The following ZYG11A variants were observed in gnomAD, a reference collection of about 807,000 sequenced individuals.
The protein encoded by ZYG11A is zyg-11 family member A, cell cycle regulator.
In ZYG11A, 62 loss-of-function variants were observed where a neutral mutation model predicts 77.2. The ratio of observed to expected loss-of-function variants is 0.80; its 90% CI spans 0.65 to 0.99. The LOEUF (loss-of-function observed/expected upper bound fraction) is 0.99, where lower values mean the gene tolerates loss of function less well. ZYG11A is among the 50% of genes least tolerant of loss of function. The pLI is 0.00. For missense variants in ZYG11A, 828 were observed against 896.8 expected (o/e 0.92, Z 0.98); for synonymous variants, 315 against 324.6 (o/e 0.97, Z 0.32).
chr1:52,881,343 C>T (rs955672012), intron 10 of ZYG11A, 128 bp from the exon 11 acceptor site: 76 of 615,066 alleles, frequency 1.2e-4, no homozygotes, highest in East Asian at 9.1e-4. Context: ...TAGCTTGAGG[C>T]GGAGGCGGGT....
intron 13 of ZYG11A, among the ~76,000 whole-genome samples, chr1:52,891,149 C>T (rs533049814): frequency 6.6e-6 from 1 of 152,066 alleles, no homozygotes; most frequent in East Asian, 1.9e-4. Flanking sequence ...ATCCACCCAC[C>T]TCAGCCTTCC....
At chr1:52,866,137 C>CCACGT (rs1448457504) in intron 5 of ZYG11A, among the ~76,000 whole-genome samples, 3 of 152,040 alleles carry the variant, frequency 2.0e-5, no homozygotes, top group Non-Finnish European at 2.9e-5. Context: ...CGGGGTTTCA[C>CCACGT]TGTGCTAGCC....
In ZYG11A at chr1:52,892,993, A is replaced by T. The variant is rs753716842; in HGVS notation, c.*36A>T. The T allele has an allele frequency of 9.1e-6, 14 of 1,532,258 alleles. No individual in the cohort carries two copies. The highest frequency in any genetic ancestry group is 1.2e-5 in the Non-Finnish European group (14 of 1,133,262). The allele number at this position is 1,532,258 out of a possible 1,614,324, so 94.9% of individuals were successfully genotyped here. On this transcript the variant is annotated 3_prime_UTR_variant, in exon 14 of 14. Coordinates refer to ENST00000371528, the MANE Select transcript of ZYG11A (RefSeq NM_001004339.3). ...TTTCAGAGGTGTGTGCTCTTCCTCA[A>T]TGTCAGGTGTTCTGCCCTGGCAGTA...
At chr1:52,874,021 G>A (rs531283674) in intron 8 of ZYG11A, among the ~76,000 whole-genome samples, 232 of 151,468 alleles carry the variant, frequency 1.5e-3, no homozygotes, top group African/African-American at 5.1e-3. Context: ...AAAAGAGAAC[G>A]AAGTTCTTTC....
intron 4 of ZYG11A, among the ~76,000 whole-genome samples, chr1:52,861,745 A>C (rs1318392318): frequency 5.9e-5 from 9 of 152,144 alleles, no homozygotes; most frequent in Non-Finnish European, 4.4e-5. Flanking sequence ...TTTACAGCTC[A>C]AAAGCTGTAT....
At chr1:52,868,963 A>G (rs1475751367) in intron 8 of ZYG11A, among the ~76,000 whole-genome samples, 3 of 152,134 alleles carry the variant, frequency 2.0e-5, no homozygotes, top group Non-Finnish European at 2.9e-5. Context: ...AGCCTCACAA[A>G]AAGCTGGGAT....
chr1:52,843,008 C>T (rs375567530), intron 1 of ZYG11A, 35 bp downstream of exon 1: 515 of 1,486,118 alleles, frequency 3.5e-4, no homozygotes, highest in Non-Finnish European at 4.4e-4. Context: ...ACGCGGACCT[C>T]GGCGCCACGT....
At chr1:52,843,172 C>G (rs564173977) in intron 1 of ZYG11A, among the ~76,000 whole-genome samples, 199 bp downstream of exon 1, 305 of 151,230 alleles carry the variant, frequency 2.0e-3, no homozygotes, top group Non-Finnish European at 3.4e-3. Flanking sequence ...GCCTGGGCGC[C>G]GCGGAGCGGG....
chr1:52,871,024 A>T (rs1465868984), intron 8 of ZYG11A, among the ~76,000 whole-genome samples: 3 of 152,330 alleles, frequency 2.0e-5, no homozygotes, highest in Admixed American at 1.3e-4. Flanking sequence ...TTATGATGCA[A>T]TAATTTTTTA....
At chr1:52,892,694 T>C in intron 13 of ZYG11A, 88 bp from the exon 14 acceptor site, 1 of 1,160,150 alleles carries the variant, frequency 8.6e-7, no homozygotes, top group Non-Finnish European at 1.2e-6. Context: ...AACCTTTGTA[T>C]TGTTTCTTCA....
intron 10 of ZYG11A, among the ~76,000 whole-genome samples, chr1:52,880,258 G>A (rs1646341720): frequency 6.6e-6 from 1 of 151,816 alleles, no homozygotes; most frequent in South Asian, 2.1e-4. Flanking sequence ...GGCGTGGGGG[G>A]GACATCTCAA....
intron 13 of ZYG11A, among the ~76,000 whole-genome samples, chr1:52,889,130 A>T (rs1381734099): frequency 6.6e-6 from 1 of 151,812 alleles, no homozygotes; most frequent in African/African-American, 2.4e-5. Context: ...AAATTTATTT[A>T]ATTTTAATTT....
intron 13 of ZYG11A, among the ~76,000 whole-genome samples, chr1:52,889,558 C>T (rs1268817185): frequency 6.6e-6 from 1 of 152,038 alleles, no homozygotes; most frequent in African/African-American, 2.4e-5. Flanking sequence ...GCTAGGATTA[C>T]AGGCATGAGC....
intron 8 of ZYG11A, among the ~76,000 whole-genome samples, 190 bp downstream of exon 8, chr1:52,867,967 T>C (rs1317488843): frequency 1.4e-5 from 2 of 138,154 alleles, no homozygotes; most frequent in Non-Finnish European, 3.1e-5. Context: ...TCTTTTTTTT[T>C]TTTTTTTTTT....
At chr1:52,892,135 A>AGG (rs1646554759) in intron 13 of ZYG11A, among the ~76,000 whole-genome samples, 1 of 147,498 alleles carries the variant, frequency 6.8e-6, no homozygotes, top group Non-Finnish European at 1.5e-5. Flanking sequence ...TCCTGACCTC[A>AGG]TGATCCGCCC....
intron 8 of ZYG11A, among the ~76,000 whole-genome samples, chr1:52,875,253 G>A (rs557910466): frequency 1.6e-4 from 24 of 152,316 alleles, no homozygotes; most frequent in Middle Eastern, 3.4e-3. Flanking sequence ...TGTTATTTCA[G>A]TGGGGTGGCA....
intron 1 of ZYG11A, among the ~76,000 whole-genome samples, chr1:52,843,525 G>A (rs1475825267): frequency 6.6e-6 from 1 of 152,124 alleles, no homozygotes; most frequent in African/African-American, 2.4e-5. Flanking sequence ...ACTGGAACCC[G>A]AAGTCTGAGA....
chr1:52,862,407 G>T (rs1645947046), intron 4 of ZYG11A, among the ~76,000 whole-genome samples: 1 of 150,586 alleles, frequency 6.6e-6, no homozygotes, highest in African/African-American at 2.4e-5. Context: ...CACCTCCCGG[G>T]TTCACACCAT....
chr1:52,877,757 C>T lies in ZYG11A; in HGVS notation c.1618C>T (p.Leu540Phe). Residue 540 changes from leucine to phenylalanine, a missense_variant, in exon 9 of 14, where the codon CTT (leucine) becomes TTT (phenylalanine). Transcript: ENST00000371528. ...DVTFLFTLKALWNLTDGSPAA... is the reference protein window; with the variant it reads ...DVTFLFTLKAFWNLTDGSPAA... ...CACCTTCTTGTTTACTTTGAAAGCA[C>T]TTTGGAATCTTACAGATGGGTCTCC... 2 of 1,552,050 alleles carry T rather than the reference C, an allele frequency of 1.3e-6. No homozygotes were observed. The highest frequency in any genetic ancestry group is 1.7e-6 in the Non-Finnish European group (2 of 1,147,046).
Sources: allele counts gnomAD v4.1 joint callset (sites outside exome capture counted in the v4.1 genomes callset), GRCh38; gene constraint gnomAD v4.1.1; transcripts MANE v1.5; gene names NCBI Gene and HGNC (gene_info 2026-07-23, HGNC 2026-07-21).